The following GLI2 variants were observed in gnomAD, a reference collection of about 807,000 sequenced individuals.
GLI2 encodes the protein GLI family zinc finger 2.
In GLI2, 22 loss-of-function variants were observed where a neutral mutation model predicts 78.9. The observed-to-expected ratio is 0.28, with a 90% CI of 0.20 to 0.40. GLI2 has a LOEUF of 0.40. Among genes scored for constraint, GLI2 ranks in the 10% least tolerant of loss-of-function variants. The pLI is 1.00. For synonymous variants in GLI2, 974 were observed against 963.7 expected (o/e 1.01, Z -0.20); for missense variants, 2,097 against 2,213.2 (o/e 0.95, Z 1.05).
At chr2:120,756,302 A>C (rs1432098963) in intron 1 of GLI2, among the ~76,000 whole-genome samples, 1 of 152,080 alleles carries the variant, frequency 6.6e-6, no homozygotes, top group African/African-American at 2.4e-5. Context: ...TTTCAGATTT[A>C]TTCTAAGATA....
At chr2:120,956,597 G>A (rs1452729833) in intron 5 of GLI2, among the ~76,000 whole-genome samples, 1 of 152,150 alleles carries the variant, frequency 6.6e-6, no homozygotes, top group South Asian at 2.1e-4. Context: ...GGGAGGCAGG[G>A]CAGCCAGTAA....
chr2:120,858,249 G>A (rs1295698995), intron 2 of GLI2, among the ~76,000 whole-genome samples: 5 of 152,174 alleles, frequency 3.3e-5, no homozygotes, highest in Admixed American at 6.5e-5. Flanking sequence ...CCGAGTCTCA[G>A]TGTTTTTATT....
chr2:120,869,875 A>C (rs1688339698), intron 2 of GLI2, among the ~76,000 whole-genome samples: 4 of 151,932 alleles, frequency 2.6e-5, no homozygotes, highest in South Asian at 2.1e-4. Context: ...CTGCAGGGGG[A>C]CCTTCAGTCC....
At chr2:120,846,238 C>A (rs971753861) in intron 2 of GLI2, among the ~76,000 whole-genome samples, 5 of 152,222 alleles carry the variant, frequency 3.3e-5, no homozygotes, top group African/African-American at 1.2e-4. Flanking sequence ...GAGCTAATTA[C>A]AGCATGCTCC....
intron 2 of GLI2, among the ~76,000 whole-genome samples, chr2:120,907,733 A>G (rs1678611594): frequency 6.6e-6 from 1 of 152,124 alleles, no homozygotes; most frequent in South Asian, 2.1e-4. Flanking sequence ...CTGTTTCCTC[A>G]GTGTAAATGG....
chr2:120,953,559 A>C (rs1474319712), intron 4 of GLI2, among the ~76,000 whole-genome samples: 1 of 152,232 alleles, frequency 6.6e-6, no homozygotes, highest in African/African-American at 2.4e-5. Flanking sequence ...GAAGAGGTGG[A>C]AGGAACCTGG....
chr2:120,785,154 G>T (rs1361786171), intron 1 of GLI2, among the ~76,000 whole-genome samples: 15 of 152,174 alleles, frequency 9.9e-5, no homozygotes, highest in Non-Finnish European at 2.2e-4. Flanking sequence ...CTGCGATGAG[G>T]TGGCTGCCAG....
intron 1 of GLI2, among the ~76,000 whole-genome samples, chr2:120,791,668 G>A (rs974757256): frequency 6.6e-6 from 1 of 152,228 alleles, no homozygotes; most frequent in African/African-American, 2.4e-5. Flanking sequence ...ACATGTGCAT[G>A]TGTGAGTGTT....
At chr2:120,957,879 C>T (rs1681350308) in intron 5 of GLI2, among the ~76,000 whole-genome samples, 1 of 152,238 alleles carries the variant, frequency 6.6e-6, no homozygotes, top group African/African-American at 2.4e-5. Context: ...AATGGGCTCC[C>T]AGCATCTAGC....
chr2:120,977,759 A>C (rs7588213), intron 9 of GLI2, among the ~76,000 whole-genome samples: 43,349 of 152,082 alleles, frequency 0.29, 6,471 homozygotes, highest in East Asian at 0.51. Flanking sequence ...AGCTTCACAC[A>C]GTGCCCAGAG....
At position 120,927,444 on chromosome 2, in the gene GLI2, C is replaced by T. The variant is rs1052944701; in HGVS notation, c.232C>T (p.His78Tyr). 2.5e-6 allele frequency: 4 copies of T among 1,613,092 alleles called. No homozygotes were observed. The highest frequency in any genetic ancestry group is 3.4e-6 in the Non-Finnish European group (4 of 1,179,140). The part of the protein sequence containing the change: ...HQEGRYHYEP[H>Y]SVHGVHGPPA... ...GGAAGGAAGGTACCATTACGAGCCTCATTCTGTCCACGGTGTGCACGGGTA... is the reference window on the plus strand; with the variant it reads ...GGAAGGAAGGTACCATTACGAGCCTTATTCTGTCCACGGTGTGCACGGGTA... Residue 78 changes from histidine to tyrosine, a missense_variant, in exon 3 of 14, where the codon CAT becomes TAT. Physicochemically the swap from His to Tyr is moderately conservative, Grantham distance 83. Around this residue, in one of 5 missense-constraint regions of GLI2, gnomAD observed 578 missense variants for 612.0 expected, o/e 0.94. Coordinates refer to ENST00000361492, the MANE Select transcript of GLI2 (RefSeq NM_001374353.1).
intron 2 of GLI2, among the ~76,000 whole-genome samples, chr2:120,853,178 T>G (rs1687491169): frequency 1.3e-5 from 2 of 151,800 alleles, no homozygotes; most frequent in African/African-American, 4.8e-5. Context: ...AGGTCTAGGT[T>G]CAGCTGAGGC....
intron 1 of GLI2, among the ~76,000 whole-genome samples, chr2:120,744,042 G>A (rs1435465482): frequency 6.6e-6 from 1 of 152,200 alleles, no homozygotes; most frequent in African/African-American, 2.4e-5. Flanking sequence ...AGTGGCCTTG[G>A]GGACATTGGT....
At chr2:120,865,929 T>A (rs1573503447) in intron 2 of GLI2, among the ~76,000 whole-genome samples, 1 of 152,334 alleles carries the variant, frequency 6.6e-6, no homozygotes, top group Non-Finnish European at 1.5e-5. Context: ...GAGCAGGCCA[T>A]TTCCAGCCCA....
chr2:120,750,278 G>A (rs1303861229), intron 1 of GLI2, among the ~76,000 whole-genome samples: 1 of 152,228 alleles, frequency 6.6e-6, no homozygotes, highest in Non-Finnish European at 1.5e-5. Flanking sequence ...TTGGGGGCAA[G>A]TTTGGGTGCT....
At chr2:120,761,968 C>G (rs184131299) in intron 1 of GLI2, among the ~76,000 whole-genome samples, 1 of 152,340 alleles carries the variant, frequency 6.6e-6, no homozygotes, top group East Asian at 1.9e-4. Flanking sequence ...GAACATTAGG[C>G]AAAAGTACAG....
intron 6 of GLI2, among the ~76,000 whole-genome samples, chr2:120,969,775 C>A (rs886326400): frequency 3.3e-5 from 5 of 152,222 alleles, no homozygotes; most frequent in African/African-American, 1.2e-4. Context: ...CTTAGGGCTG[C>A]TTGAGTGTCC....
intron 1 of GLI2, among the ~76,000 whole-genome samples, chr2:120,759,354 C>T (rs1353733037): frequency 6.6e-6 from 1 of 152,130 alleles, no homozygotes; most frequent in Non-Finnish European, 1.5e-5. Flanking sequence ...TGTGGCATCC[C>T]ACAGATGCCA....
chr2:120,889,750 A>G (rs1345732313), intron 2 of GLI2, among the ~76,000 whole-genome samples: 1 of 152,258 alleles, frequency 6.6e-6, no homozygotes, highest in Non-Finnish European at 1.5e-5. Flanking sequence ...ACTAGCCATT[A>G]GGAAAATGCT....
Sources: gnomAD v4.1 joint callset for allele counts (sites outside exome capture counted in the v4.1 genomes callset) on GRCh38, gnomAD v4.1.1 for gene constraint, gnomAD v4.1.1 regional missense constraint, MANE v1.5 for transcripts, NCBI Gene and HGNC (gene_info 2026-07-23, HGNC 2026-07-21) for gene names.